The following FHIP1A variants were observed in gnomAD, a reference collection of about 807,000 sequenced individuals.
FHIP1A encodes FHF complex subunit HOOK-interacting protein 1A.
A neutral mutation model predicts 88.6 loss-of-function variants in FHIP1A; 61 were observed. The ratio of observed to expected loss-of-function variants is 0.69; its 90% CI spans 0.56 to 0.85. The LOEUF (loss-of-function observed/expected upper bound fraction) is 0.85. Among genes scored for constraint, FHIP1A ranks in the 40% least tolerant of loss-of-function variants. FHIP1A has a pLI of 0.00. For synonymous variants in FHIP1A, 478 were observed against 496.0 expected, an observed-to-expected ratio of 0.96 and a Z score of 0.48; for missense variants, 1,154 against 1,273.5, an observed-to-expected ratio of 0.91 and a Z score of 1.43.
intron 3 of FHIP1A, among the ~76,000 whole-genome samples, chr4:151,564,006 A>G (rs943880726): frequency 8.6e-5 from 13 of 151,918 alleles, no homozygotes; most frequent in African/African-American, 3.1e-4. Context: ...AACAACAACA[A>G]CAACCAACAA....
At chr4:151,429,442 G>A (rs535058034) in intron 1 of FHIP1A, among the ~76,000 whole-genome samples, 4 of 152,270 alleles carry the variant, frequency 2.6e-5, no homozygotes, top group African/African-American at 7.2e-5. Context: ...ATCTAGGGAG[G>A]TTACCTCCTT....
intron 7 of FHIP1A, among the ~76,000 whole-genome samples, chr4:151,608,569 G>T (rs180847390): frequency 5.9e-5 from 9 of 152,310 alleles, no homozygotes; most frequent in Admixed American, 5.9e-4. Flanking sequence ...CGGCACCCAG[G>T]TGCTCCAGTG....
At chr4:151,533,139 A>G (rs1580677174) in intron 3 of FHIP1A, 1 of 152,210 alleles carries the variant, frequency 6.6e-6, no homozygotes, top group African/African-American at 2.4e-5. Flanking sequence ...GGGCTGGAGC[A>G]TGTATATAAG....
intron 3 of FHIP1A, among the ~76,000 whole-genome samples, chr4:151,525,701 T>C (rs1358376990): frequency 6.6e-6 from 1 of 152,204 alleles, no homozygotes; most frequent in Non-Finnish European, 1.5e-5. Flanking sequence ...TTTAGATCTG[T>C]AGTGTTTTCC....
intron 3 of FHIP1A, among the ~76,000 whole-genome samples, chr4:151,522,491 T>G (rs1460856476): frequency 1.3e-5 from 2 of 152,210 alleles, no homozygotes; most frequent in Admixed American, 1.3e-4. Flanking sequence ...CTGTGGAAAG[T>G]CAGTGGAGGT....
At chr4:151,488,337 C>T (rs1730158936) in intron 3 of FHIP1A, among the ~76,000 whole-genome samples, 1 of 152,194 alleles carries the variant, frequency 6.6e-6, no homozygotes, top group African/African-American at 2.4e-5. Flanking sequence ...TCTCTCTCCA[C>T]TCTAATGGTC....
intron 2 of FHIP1A, among the ~76,000 whole-genome samples, chr4:151,469,789 G>C (rs1432044482): frequency 3.3e-5 from 5 of 151,904 alleles, no homozygotes; most frequent in Admixed American, 2.6e-4. Flanking sequence ...CTCTTCTTTT[G>C]CCTTCCACAG....
intron 3 of FHIP1A, among the ~76,000 whole-genome samples, chr4:151,532,542 G>A (rs914741638): frequency 6.6e-6 from 1 of 152,228 alleles, no homozygotes; most frequent in African/African-American, 2.4e-5. Context: ...AGGCAACACA[G>A]TGAGTGCCAT....
chr4:151,483,704 A>G (rs758946023), intron 3 of FHIP1A, among the ~76,000 whole-genome samples: 1 of 152,238 alleles, frequency 6.6e-6, no homozygotes, highest in Middle Eastern at 3.4e-3. Context: ...TAGGATGACT[A>G]TAGTTAACTA....
At chr4:151,518,819 C>A (rs1296142939) in intron 3 of FHIP1A, among the ~76,000 whole-genome samples, 1 of 151,834 alleles carries the variant, frequency 6.6e-6, no homozygotes, top group Non-Finnish European at 1.5e-5. Flanking sequence ...GCCACCATGC[C>A]CAGCTAATTT....
intron 3 of FHIP1A, among the ~76,000 whole-genome samples, chr4:151,541,059 A>G (rs1732265304): frequency 6.6e-6 from 1 of 152,198 alleles, no homozygotes; most frequent in Non-Finnish European, 1.5e-5. Context: ...TGATGAAGCT[A>G]GTGTTGTTAC....
At chr4:151,632,543 A>G (rs2126881740) in intron 8 of FHIP1A, among the ~76,000 whole-genome samples, 1 of 152,210 alleles carries the variant, frequency 6.6e-6, no homozygotes, top group Middle Eastern at 3.4e-3. Context: ...GGTTCTCCTC[A>G]AGGGCACATG....
At chr4:151,558,326 A>G (rs1302325320) in intron 3 of FHIP1A, among the ~76,000 whole-genome samples, 1 of 152,144 alleles carries the variant, frequency 6.6e-6, no homozygotes, top group African/African-American at 2.4e-5. Flanking sequence ...ACTAGAGCTT[A>G]GGAGTTCGAG....
At chr4:151,500,462 T>A (rs1730611401) in intron 3 of FHIP1A, among the ~76,000 whole-genome samples, 1 of 149,174 alleles carries the variant, frequency 6.7e-6, no homozygotes, top group Non-Finnish European at 1.5e-5. Flanking sequence ...AAAAAAAGAC[T>A]TTGGACAGCC....
chr4:151,521,774 G>GA (rs1731455861), intron 3 of FHIP1A, among the ~76,000 whole-genome samples: 1 of 151,964 alleles, frequency 6.6e-6, no homozygotes, highest in Non-Finnish European at 1.5e-5. Flanking sequence ...CCACAGACTG[G>GA]AGTGCAGTGG....
chr4:151,411,354 T>TTTTTTTTTTTTTTTTG (rs1732637976), intron 1 of FHIP1A, among the ~76,000 whole-genome samples: 1 of 144,896 alleles, frequency 6.9e-6, no homozygotes, highest in Non-Finnish European at 1.5e-5. Context: ...TATATATTTT[T>TTTTTTTTTTTTTTTTG]TTTTTTTTAA....
At chr4:151,417,109 A>G (rs1348709453) in intron 1 of FHIP1A, among the ~76,000 whole-genome samples, 1 of 152,178 alleles carries the variant, frequency 6.6e-6, no homozygotes, top group Non-Finnish European at 1.5e-5. Context: ...GAATTGGACT[A>G]AATGCACAAA....
intron 3 of FHIP1A, among the ~76,000 whole-genome samples, chr4:151,501,776 G>T (rs1481488044): frequency 1.4e-5 from 2 of 148,134 alleles, no homozygotes; most frequent in Admixed American, 6.7e-5. Context: ...TGAATTGTTG[G>T]TCATTTTGTT....
At chr4:151,610,060 G>A (rs1735264628) in intron 7 of FHIP1A, among the ~76,000 whole-genome samples, 1 of 152,202 alleles carries the variant, frequency 6.6e-6, no homozygotes, top group African/African-American at 2.4e-5. Flanking sequence ...GGATTTTAGA[G>A]TCAGACTACC....
Sources: allele counts gnomAD v4.1 joint callset (sites outside exome capture counted in the v4.1 genomes callset), GRCh38; gene constraint gnomAD v4.1.1; transcripts MANE v1.5; gene names NCBI Gene and HGNC (gene_info 2026-07-23, HGNC 2026-07-21).